KLHL18: variants seen among roughly 807,000 people sequenced by gnomAD.
KLHL18 encodes the protein kelch like family member 18.
A neutral mutation model predicts 58.5 loss-of-function variants in KLHL18; 38 were observed. The observed-to-expected ratio is 0.65, with a 90% confidence interval of 0.50 to 0.85. KLHL18 has a LOEUF of 0.85. KLHL18 is among the 40% of genes least tolerant of loss of function. The pLI, the probability that KLHL18 is intolerant of heterozygous loss-of-function variation, is 0.00. For missense variants in KLHL18, 624 were observed against 778.4 expected, an observed-to-expected ratio of 0.80 and a Z score of 2.36; for synonymous variants, 303 against 301.9, an observed-to-expected ratio of 1.00 and a Z score of -0.04.
chr3:47,310,876 C>G (rs1247115785), intron 1 of KLHL18, among the ~76,000 whole-genome samples: 1 of 152,214 alleles, frequency 6.6e-6, no homozygotes, highest in African/African-American at 2.4e-5. Context: ...CAGCTCTTCT[C>G]TCTCTGGACC....
intron 1 of KLHL18, among the ~76,000 whole-genome samples, chr3:47,296,737 G>A (rs1306393911): frequency 6.6e-6 from 1 of 152,170 alleles, no homozygotes; most frequent in Non-Finnish European, 1.5e-5. Flanking sequence ...AGGGGAGAGT[G>A]TTCAGAGGCC....
At chr3:47,305,042 G>A (rs1703109046) in intron 1 of KLHL18, among the ~76,000 whole-genome samples, 1 of 151,038 alleles carries the variant, frequency 6.6e-6, no homozygotes, top group South Asian at 2.1e-4. Flanking sequence ...AAAAAAGAAA[G>A]AAAAAAACCC....
intron 7 of KLHL18, chr3:47,338,017 T>A (rs1028694035): frequency 2.6e-5 from 4 of 152,234 alleles, no homozygotes; most frequent in Non-Finnish European, 4.4e-5. Context: ...GTTAATATCC[T>A]GTTATTAGTG....
At chr3:47,286,299 C>T (rs1169965611) in intron 1 of KLHL18, among the ~76,000 whole-genome samples, 4 of 152,092 alleles carry the variant, frequency 2.6e-5, no homozygotes, top group Non-Finnish European at 5.9e-5. Context: ...ATGGTGGGAC[C>T]GGGGAAAGAG....
intron 1 of KLHL18, among the ~76,000 whole-genome samples, chr3:47,288,923 C>G (rs1702734751): frequency 6.6e-6 from 1 of 152,214 alleles, no homozygotes; most frequent in Non-Finnish European, 1.5e-5. Flanking sequence ...TCTGGGCTGC[C>G]AGGAGCCCAA....
At chr3:47,343,509 C>T in intron 9 of KLHL18, 46 bp from the exon 10 acceptor site, 2 of 1,609,012 alleles carry the variant, frequency 1.2e-6, no homozygotes, top group Non-Finnish European at 1.7e-6. Context: ...ATGGACTGAG[C>T]TTTGCCTCTG....
intron 1 of KLHL18, among the ~76,000 whole-genome samples, chr3:47,315,347 G>A (rs1235200646): frequency 6.6e-6 from 1 of 152,182 alleles, no homozygotes; most frequent in African/African-American, 2.4e-5. Context: ...TCTCTCAGGA[G>A]ATAGGAAGTT....
At chr3:47,324,089 C>T (rs1703651343) in intron 3 of KLHL18, among the ~76,000 whole-genome samples, 1 of 151,906 alleles carries the variant, frequency 6.6e-6, no homozygotes, top group South Asian at 2.1e-4. Context: ...TTATAAAGAC[C>T]TTGTAGTAAG....
chr3:47,324,076 GT>G (rs1389264039), intron 3 of KLHL18, among the ~76,000 whole-genome samples: 1 of 152,102 alleles, frequency 6.6e-6, no homozygotes, highest in Admixed American at 6.5e-5. Flanking sequence ...GCTGTTCGCA[GT>G]TTTATAAAGA....
chr3:47,285,632 G>T (rs530739906), intron 1 of KLHL18, among the ~76,000 whole-genome samples: 1 of 152,128 alleles, frequency 6.6e-6, no homozygotes, highest in Admixed American at 6.5e-5. Flanking sequence ...CAAAAAGGGC[G>T]TGGCAGCGTG....
intron 1 of KLHL18, among the ~76,000 whole-genome samples, chr3:47,302,111 T>C (rs1490667266): frequency 6.6e-6 from 1 of 152,228 alleles, no homozygotes; most frequent in African/African-American, 2.4e-5. Flanking sequence ...TATTAACACA[T>C]ATTTTGTATG....
At chr3:47,297,387 A>G (rs1702919632) in intron 1 of KLHL18, among the ~76,000 whole-genome samples, 1 of 152,146 alleles carries the variant, frequency 6.6e-6, no homozygotes, top group Non-Finnish European at 1.5e-5. Context: ...ATTGAAGGTG[A>G]AAGAATCCCC....
At position 47,326,859 on chromosome 3, in the gene KLHL18, T is replaced by C. The variant is rs541495530; in HGVS notation, c.402-3092T>C. Among the ~76,000 whole-genome samples, 8 of 150,870 alleles carry C rather than the reference T, an allele frequency of 5.3e-5. No homozygotes were observed. In the East Asian group the frequency reaches 1.6e-3, roughly 29 times the overall value. ...TCGCTTGAACCTGGGAAGTGGAGGT[T>C]GCGGTGAGCCGAGATCGTGCCATTG... is the stretch of plus-strand genomic sequence containing the variant. On this transcript the variant is annotated intron_variant, in intron 3 of 9. Coordinates refer to ENST00000232766, the MANE Select transcript of KLHL18 (RefSeq NM_025010.5).
Position 47,343,426 on chromosome 3 carries a change from G to A in KLHL18, c.1339-129G>A. ...GCCTGCAGCAGAGGGAATACTGGGAGAGCTCCTTGTCCCCATACCTCCCAC... is the reference window on the plus strand; with the variant it reads ...GCCTGCAGCAGAGGGAATACTGGGAAAGCTCCTTGTCCCCATACCTCCCAC... On this transcript the variant is annotated intron_variant, in intron 9 of 9. Transcript: ENST00000232766. 6 of 1,066,334 alleles carry A rather than the reference G, an allele frequency of 5.6e-6. No homozygotes were observed. In the East Asian group the frequency reaches 7.3e-5, roughly 13 times the overall value. 66.1% of individuals were successfully genotyped at this position (1,066,334 alleles called of 1,614,324 possible). A position where few individuals can be genotyped will look rare whatever the true frequency, so the allele number is the denominator to read the frequency against.
chr3:47,320,523 G>A (rs941795991), intron 2 of KLHL18, among the ~76,000 whole-genome samples: 2 of 152,238 alleles, frequency 1.3e-5, no homozygotes, highest in East Asian at 1.9e-4. Flanking sequence ...TGACAGTGGT[G>A]ACAACTAGGG....
At chr3:47,325,488 C>T (rs1037661748) in intron 3 of KLHL18, among the ~76,000 whole-genome samples, 38 of 152,186 alleles carry the variant, frequency 2.5e-4, no homozygotes, top group African/African-American at 8.2e-4. Context: ...TGAGCCACCA[C>T]GCCCAGCCGA....
intron 1 of KLHL18, chr3:47,287,520 CTGT>C (rs1249824001): frequency 6.6e-6 from 1 of 151,650 alleles, no homozygotes; most frequent in East Asian, 1.9e-4. Context: ...GAGTCTTGCT[CTGT>C]TGTCCAGGCT....
chr3:47,332,697 G>A (rs1358756386), intron 4 of KLHL18, among the ~76,000 whole-genome samples: 1 of 152,096 alleles, frequency 6.6e-6, no homozygotes, highest in Non-Finnish European at 1.5e-5. Flanking sequence ...ATTAAGAAAG[G>A]CTCCTTGGAG....
At chr3:47,283,157 C>T (rs1702512566) in intron 1 of KLHL18, 63 bp downstream of exon 1, 6 of 829,290 alleles carry the variant, frequency 7.2e-6, no homozygotes, top group East Asian at 1.6e-4. Flanking sequence ...TAAAAAGGGG[C>T]GGGGGACAGA....
Sources: allele counts gnomAD v4.1 joint callset (sites outside exome capture counted in the v4.1 genomes callset), GRCh38; gene constraint gnomAD v4.1.1; transcripts MANE v1.5; gene names NCBI Gene and HGNC (gene_info 2026-07-23, HGNC 2026-07-21).